XK: variants seen among roughly 807,000 people sequenced by gnomAD.
The protein encoded by XK is endoplasmic reticulum membrane adapter protein XK.
XK carries 2 observed loss-of-function variants against 14.0 expected under a neutral mutation model. The ratio of observed to expected loss-of-function variants is 0.14; its 90% CI spans 0.06 to 0.45. The LOEUF (loss-of-function observed/expected upper bound fraction) is 0.45. Among genes scored for constraint, XK ranks in the 20% least tolerant of loss-of-function variants. The pLI is 0.98. For synonymous variants in XK, 149 were observed against 147.5 expected (o/e 1.01, Z -0.08); for missense variants, 235 against 341.5 (o/e 0.69, Z 2.46).
chrX:37,712,527 A>G (rs1335286096), intron 2 of XK, among the ~76,000 whole-genome samples: 3 of 112,462 alleles, frequency 2.7e-5, no homozygotes, highest in African/African-American at 9.7e-5. Context: ...TTCAGAAAGT[A>G]TGAAGGGAAA....
intron 2 of XK, among the ~76,000 whole-genome samples, chrX:37,705,216 C>T (rs575047589): frequency 1.7e-4 from 18 of 108,548 alleles, no homozygotes; most frequent in East Asian, 1.2e-3. Context: ...GGGGCCAAGG[C>T]GGGCGGATCA....
Position 37,731,505 on chromosome X carries a change from A to G in XK, c.*3043A>G, listed in dbSNP as rs182629937. 6 of 112,405 alleles carry G rather than the reference A, an allele frequency of 5.3e-5. No individual in the cohort carries two copies. The Admixed American group carries it at 5.7e-4, about 11-fold the overall frequency. 9.3% of individuals were successfully genotyped at this position (112,405 alleles called of 1,213,427 possible). A position where few individuals can be genotyped will look rare whatever the true frequency, so the allele number is the denominator to read the frequency against. ...TCAGAAAGATCAAATTAAATAATAGATGTGAAAATGCTTTGAAAATGTTTT... is the reference window on the plus strand; with the variant it reads ...TCAGAAAGATCAAATTAAATAATAGGTGTGAAAATGCTTTGAAAATGTTTT... On this transcript the variant is annotated 3_prime_UTR_variant, in exon 3 of 3. Coordinates refer to ENST00000378616, the MANE Select transcript of XK (RefSeq NM_021083.4).
rs1446545522 is a variant in XK, at chrX:37,713,076, ACCAT to A, written c.509-14559_509-14556del. ...ATTATGTATTTCTGCATAATAAACC[ACCAT>A]AAAACTTAGTGACTTAAAGTAATAG... On this transcript the variant is annotated intron_variant, in intron 2 of 2. Transcript: ENST00000378616. Among the ~76,000 whole-genome samples the A allele has an allele frequency of 3.6e-4, 40 of 111,371 alleles. 2 individuals are homozygous for A. Among genetic ancestry groups the A allele is most frequent in the African/African-American group, 3.3e-5 (1 of 30,638 alleles).
chrX:37,708,730 A>G (rs1485237823), intron 2 of XK, among the ~76,000 whole-genome samples: 4 of 112,323 alleles, frequency 3.6e-5, no homozygotes, highest in Non-Finnish European at 5.6e-5. Flanking sequence ...AAATAAACCC[A>G]TCAATACTGA....
At chrX:37,712,544 G>A (rs1224922027) in intron 2 of XK, among the ~76,000 whole-genome samples, 1 of 112,164 alleles carries the variant, frequency 8.9e-6, no homozygotes, top group South Asian at 3.7e-4. Flanking sequence ...GAAATACACT[G>A]GAATATCAAT....
intron 1 of XK, among the ~76,000 whole-genome samples, chrX:37,687,883 G>A (rs1451555183): frequency 3.6e-5 from 4 of 109,879 alleles, no homozygotes; most frequent in South Asian, 4.0e-4. Flanking sequence ...AGAAAGGGAG[G>A]GAGGGGAATT....
intron 2 of XK, among the ~76,000 whole-genome samples, chrX:37,709,883 A>G (rs1602152619): frequency 9.0e-6 from 1 of 111,629 alleles, no homozygotes; most frequent in Non-Finnish European, 1.9e-5. Flanking sequence ...ATACAGATAG[A>G]GAGAAATAGA....
chrX:37,710,737 G>T (rs1724952992), intron 2 of XK, among the ~76,000 whole-genome samples: 2 of 112,726 alleles, frequency 1.8e-5, no homozygotes, highest in South Asian at 7.3e-4. Flanking sequence ...CTTCTTGTAT[G>T]ACATTTTGAG....
Position 37,729,357 on chromosome X carries a change from C to G in XK, c.*895C>G, listed in dbSNP as rs1928043219. The G allele has an allele frequency of 9.0e-6, 1 of 111,653 alleles. No homozygotes were observed. Among genetic ancestry groups the G allele is most frequent in the Non-Finnish European group, 1.9e-5 (1 of 53,083 alleles). 9.2% of individuals were successfully genotyped at this position (111,653 alleles called of 1,213,427 possible). Reference sequence around the variant, plus strand: ...CCCCACAGAAATCTCTCACCCAGTTCAGGTGTATAGGGAATTTTCATTTTC... The same window carrying G: ...CCCCACAGAAATCTCTCACCCAGTTGAGGTGTATAGGGAATTTTCATTTTC... On this transcript the variant is annotated 3_prime_UTR_variant, in exon 3 of 3. Transcript: ENST00000378616.
chrX:37,705,739 T>G (rs1927513368), intron 2 of XK, among the ~76,000 whole-genome samples: 1 of 109,783 alleles, frequency 9.1e-6, no homozygotes. Context: ...TTCTTTTTCT[T>G]TTTCTTTCTT....
chrX:37,727,148 G>A (rs977029108), intron 2 of XK, among the ~76,000 whole-genome samples: 1 of 111,417 alleles, frequency 9.0e-6, no homozygotes, highest in Non-Finnish European at 1.9e-5. Flanking sequence ...GAATTTGAGT[G>A]CATATATCTG....
At chrX:37,703,386 TCAC>T (rs1467070718) in intron 2 of XK, among the ~76,000 whole-genome samples, 1 of 111,820 alleles carries the variant, frequency 8.9e-6, no homozygotes, top group East Asian at 2.8e-4. Flanking sequence ...TAAAAAGAAT[TCAC>T]CAAGGCAACT....
intron 2 of XK, among the ~76,000 whole-genome samples, chrX:37,726,653 T>C (rs1439622502): frequency 8.9e-6 from 1 of 112,219 alleles, no homozygotes; most frequent in Non-Finnish European, 1.9e-5. Context: ...CACGTTCCAT[T>C]TAAATGAGCT....
chrX:37,727,921 A>G lies in XK; in HGVS notation c.794A>G (p.Glu265Gly), dbSNP rs782364274. Reference protein sequence around the residue: ...LFWCSGSPFPENIEKALSRVG... With the variant: ...LFWCSGSPFPGNIEKALSRVG... ...TGGTGCAGTGGTTCCCCATTCCCTG[A>G]GAACATAGAGAAGGCCCTCAGTAGA... Residue 265 changes from glutamate to glycine, a missense_variant, in exon 3 of 3, where the codon GAG becomes GGG. Transcript: ENST00000378616. 20 of 1,209,155 alleles carry G rather than the reference A, an allele frequency of 1.7e-5. No homozygotes were observed. The highest frequency in any genetic ancestry group is 1.9e-5 in the Non-Finnish European group (17 of 895,013).
At chrX:37,723,502 A>T (rs1927918475) in intron 2 of XK, among the ~76,000 whole-genome samples, 1 of 111,397 alleles carries the variant, frequency 9.0e-6, no homozygotes, top group Admixed American at 9.5e-5. Context: ...TTTTTTATGC[A>T]TTCTCAGAAG....
intron 2 of XK, among the ~76,000 whole-genome samples, chrX:37,700,386 A>G (rs1425362308): frequency 2.7e-5 from 3 of 111,529 alleles, no homozygotes; most frequent in Non-Finnish European, 5.7e-5. Flanking sequence ...TAGATGAGAG[A>G]CCCCAGGCTG....
rs1045295179 is a variant in XK at position 37,727,331 on chromosome X, T to C, written c.509-305T>C. Among the ~76,000 whole-genome samples the C allele has an allele frequency of 4.0e-4, 45 of 111,407 alleles. 2 individuals are homozygous for C. Among genetic ancestry groups the C allele is most frequent in the Non-Finnish European group, 1.1e-4 (6 of 52,996 alleles). On this transcript the variant is annotated intron_variant, in intron 2 of 2. Coordinates refer to ENST00000378616, the MANE Select transcript of XK (RefSeq NM_021083.4). ...CATGCCTCAGAGATATTCTCTCTGA[T>C]GGATGGGGAAGCCATAGTACTTGTA...
intron 2 of XK, among the ~76,000 whole-genome samples, chrX:37,702,842 A>G (rs1233869977): frequency 8.9e-6 from 1 of 112,636 alleles, no homozygotes; most frequent in Non-Finnish European, 1.9e-5. Flanking sequence ...GCTTCTCAAA[A>G]TATCATTGGG....
chrX:37,718,029 G>A (rs183050534), intron 2 of XK, among the ~76,000 whole-genome samples: 15 of 111,595 alleles, frequency 1.3e-4, no homozygotes, highest in Admixed American at 1.3e-3. Flanking sequence ...CATTTATCGA[G>A]TGCCTACTAA....
Sources: allele counts gnomAD v4.1 joint callset (sites outside exome capture counted in the v4.1 genomes callset), GRCh38; gene constraint gnomAD v4.1.1; transcripts MANE v1.5; gene names NCBI Gene and HGNC (gene_info 2026-07-23, HGNC 2026-07-21).